Variants in IL1RAPL2 observed in about 807,000 individuals in gnomAD.
IL1RAPL2 encodes the protein interleukin 1 receptor accessory protein like 2.
Under a neutral mutation model 44.1 loss-of-function variants are expected in IL1RAPL2, and 3 were observed. The ratio of observed to expected loss-of-function variants is 0.07; its 90% confidence interval spans 0.03 to 0.18. IL1RAPL2 has a LOEUF of 0.18. IL1RAPL2 is among the 10% of genes least tolerant of loss of function. The pLI is 1.00. For synonymous variants in IL1RAPL2, 181 were observed against 178.8 expected (o/e 1.01, Z -0.10); for missense variants, 391 against 496.4 (o/e 0.79, Z 2.02).
At chrX:105,400,421 C>T (rs2035598692) in intron 5 of IL1RAPL2, among the ~76,000 whole-genome samples, 1 of 110,860 alleles carries the variant, frequency 9.0e-6, no homozygotes, top group African/African-American at 3.3e-5. Context: ...TATCATCCTA[C>T]CTTATACTTT....
chrX:105,147,258 A>G (rs1393432379), intron 2 of IL1RAPL2, among the ~76,000 whole-genome samples: 1 of 111,628 alleles, frequency 9.0e-6, no homozygotes. Flanking sequence ...ATTTTAAGCT[A>G]TTATTACCTT....
intron 2 of IL1RAPL2, among the ~76,000 whole-genome samples, chrX:105,026,473 T>G (rs2147749156): frequency 9.0e-6 from 1 of 110,804 alleles, no homozygotes; most frequent in Non-Finnish European, 1.9e-5. Context: ...ACCAAAAAAC[T>G]ATTAGAACTG....
At chrX:105,178,168 T>A (rs1352397274) in intron 2 of IL1RAPL2, among the ~76,000 whole-genome samples, 1 of 111,815 alleles carries the variant, frequency 8.9e-6, no homozygotes, top group East Asian at 2.8e-4. Flanking sequence ...ACTATCATTC[T>A]ACTTGCTACC....
At chrX:105,163,595 A>G (rs1332424363) in intron 2 of IL1RAPL2, among the ~76,000 whole-genome samples, 1 of 111,971 alleles carries the variant, frequency 8.9e-6, no homozygotes, top group African/African-American at 3.2e-5. Context: ...TGTCGTGCAT[A>G]TTTTACATTG....
intron 2 of IL1RAPL2, among the ~76,000 whole-genome samples, chrX:104,795,548 T>A (rs1258553289): frequency 2.7e-5 from 3 of 110,837 alleles, no homozygotes; most frequent in Non-Finnish European, 5.7e-5. Context: ...AAGTGATGGA[T>A]CAAGTTGTTA....
intron 2 of IL1RAPL2, among the ~76,000 whole-genome samples, chrX:105,157,316 T>C (rs781737906): frequency 9.0e-6 from 1 of 110,535 alleles, no homozygotes; most frequent in South Asian, 3.9e-4. Context: ...TTTCCCCACA[T>C]ATCTGCAATA....
intron 1 of IL1RAPL2, among the ~76,000 whole-genome samples, chrX:104,573,204 G>A (rs991555986): frequency 8.9e-6 from 1 of 112,141 alleles, no homozygotes; most frequent in African/African-American, 3.2e-5. Context: ...ATGTCATGAA[G>A]CAGTATAATA....
chrX:105,697,256 C>T (rs1254860732), intron 6 of IL1RAPL2, among the ~76,000 whole-genome samples: 1 of 98,280 alleles, frequency 1.0e-5, no homozygotes, highest in Non-Finnish European at 2.0e-5. Flanking sequence ...AGGGGACAAA[C>T]ATCCAAACTA....
intron 2 of IL1RAPL2, among the ~76,000 whole-genome samples, chrX:104,874,902 C>A (rs1388307116): frequency 1.8e-5 from 2 of 111,574 alleles, no homozygotes; most frequent in Non-Finnish European, 3.8e-5. Context: ...TAACCAGCAA[C>A]TTTAGTGCTA....
chrX:105,521,441 A>G (rs1412246275), intron 6 of IL1RAPL2, among the ~76,000 whole-genome samples: 1 of 111,909 alleles, frequency 8.9e-6, no homozygotes, highest in South Asian at 3.8e-4. Flanking sequence ...AAGTAAAATT[A>G]TATGACACCA....
At chrX:104,819,505 A>G (rs1163610897) in intron 2 of IL1RAPL2, among the ~76,000 whole-genome samples, 1 of 111,746 alleles carries the variant, frequency 8.9e-6, no homozygotes, top group African/African-American at 3.3e-5. Context: ...TCATGGGAGG[A>G]TGGGAGGTTT....
At chrX:104,803,849 A>T (rs1932902144) in intron 2 of IL1RAPL2, 1 of 112,251 alleles carries the variant, frequency 8.9e-6, no homozygotes, top group African/African-American at 3.2e-5. Context: ...GATCCTTGAT[A>T]ATTTAATCAG....
At chrX:104,585,286 A>ATTATATATTATATATAAT (rs1556438357) in intron 1 of IL1RAPL2, among the ~76,000 whole-genome samples, 1 of 22,210 alleles carries the variant, frequency 4.5e-5, no homozygotes, top group African/African-American at 2.8e-4. Context: ...TATATTATAT[A>ATTATATATTATATATAAT]ATATATTATA....
At chrX:105,711,111 A>T (rs889877599) in intron 6 of IL1RAPL2, among the ~76,000 whole-genome samples, 4 of 110,066 alleles carry the variant, frequency 3.6e-5, no homozygotes, top group Admixed American at 2.0e-4. Flanking sequence ...ACTGGCTTTC[A>T]GCTTTTTCCT....
intron 1 of IL1RAPL2, among the ~76,000 whole-genome samples, chrX:104,627,795 C>A (rs933319369): frequency 1.8e-5 from 2 of 110,836 alleles, no homozygotes; most frequent in Non-Finnish European, 3.8e-5. Flanking sequence ...GAGGTTTAAA[C>A]CAAAAAGACT....
chrX:105,037,910 G>A (rs1398219433), intron 2 of IL1RAPL2, among the ~76,000 whole-genome samples: 3 of 111,727 alleles, frequency 2.7e-5, no homozygotes, highest in African/African-American at 9.8e-5. Flanking sequence ...TAGAGGAGGA[G>A]TAGGAGGGGA....
intron 5 of IL1RAPL2, among the ~76,000 whole-genome samples, chrX:105,285,452 C>T (rs2034563727): frequency 8.9e-6 from 1 of 111,942 alleles, no homozygotes; most frequent in African/African-American, 3.2e-5. Context: ...GCTGGGAATT[C>T]TAGCTACACA....
chrX:104,634,530 G>T (rs1929744701), intron 1 of IL1RAPL2, among the ~76,000 whole-genome samples: 1 of 111,944 alleles, frequency 8.9e-6, no homozygotes, highest in Admixed American at 9.5e-5. Flanking sequence ...GGGTGCTCCT[G>T]TGCTGGGTGC....
intron 6 of IL1RAPL2, among the ~76,000 whole-genome samples, chrX:105,551,197 A>G (rs2147802803): frequency 9.1e-6 from 1 of 109,672 alleles, no homozygotes; most frequent in African/African-American, 3.3e-5. Context: ...TTTTTACTCA[A>G]AATTTCAGGA....
Sources: gnomAD v4.1 joint callset for allele counts (sites outside exome capture counted in the v4.1 genomes callset) on GRCh38, gnomAD v4.1.1 for gene constraint, MANE v1.5 for transcripts, NCBI Gene and HGNC (gene_info 2026-07-23, HGNC 2026-07-21) for gene names.